The following XPO7 variants were observed in gnomAD, a reference collection of about 807,000 sequenced individuals.
The protein encoded by XPO7 is exportin-7.
Under a neutral mutation model 144.3 loss-of-function variants are expected in XPO7, and 21 were observed. That is an observed-to-expected ratio of 0.15 (90% CI 0.10 to 0.21). The LOEUF (loss-of-function observed/expected upper bound fraction) is 0.21, where lower values mean the gene tolerates loss of function less well. Ranked by LOEUF, XPO7 falls within the 10% of genes least tolerant of loss-of-function variation. The pLI is 1.00. For missense variants in XPO7, 808 were observed against 1,325.8 expected (o/e 0.61, Z 6.06); for synonymous variants, 580 against 499.6 (o/e 1.16, Z -2.15).
chr8:21,948,751 T>G (rs1811272946), intron 1 of XPO7, among the ~76,000 whole-genome samples: 3 of 152,226 alleles, frequency 2.0e-5, no homozygotes, highest in Admixed American at 2.0e-4. Flanking sequence ...GAATTCATCA[T>G]CCTATCAAAA....
At chr8:21,931,475 G>A (rs902889501) in intron 1 of XPO7, among the ~76,000 whole-genome samples, 3 of 152,138 alleles carry the variant, frequency 2.0e-5, no homozygotes, top group African/African-American at 7.2e-5. Context: ...TTAACTTACA[G>A]CAACCGCAAG....
chr8:22,002,466 T>C (rs1193352233), intron 25 of XPO7, among the ~76,000 whole-genome samples, 194 bp downstream of exon 25: 1 of 152,196 alleles, frequency 6.6e-6, no homozygotes, highest in Non-Finnish European at 1.5e-5. Flanking sequence ...ACGCTCAGGT[T>C]CTGGATTATT....
chr8:21,976,200 C>A (rs1168794734), intron 6 of XPO7, among the ~76,000 whole-genome samples, 156 bp from the exon 7 acceptor site: 2 of 152,168 alleles, frequency 1.3e-5, no homozygotes, highest in African/African-American at 4.8e-5. Flanking sequence ...TTCATAGTCA[C>A]AGGTGATAGA....
chr8:21,961,248 C>T (rs1428903666), intron 1 of XPO7, among the ~76,000 whole-genome samples: 8 of 149,356 alleles, frequency 5.4e-5, no homozygotes, highest in African/African-American at 9.9e-5. Context: ...CTCACTCTGT[C>T]ACCCAGGCTG....
At chr8:21,987,016 A>T (rs1585470989) in intron 13 of XPO7, 125 bp from the exon 14 acceptor site, 2 of 1,336,704 alleles carry the variant, frequency 1.5e-6, no homozygotes, top group East Asian at 4.6e-5. Flanking sequence ...TATGTAGATG[A>T]ATTTGGTTGC....
rs542375547 is a variant in XPO7 at position 22,002,812 on chromosome 8, C to G, written c.2944-407C>G. 5.3e-5 allele frequency among the ~76,000 whole-genome samples: 8 copies of G among 152,256 alleles called. No individual in the cohort carries two copies. The South Asian group carries it at 8.3e-4, about 16-fold the overall frequency. The stretch of plus-strand genomic sequence containing the variant: ...TAGCCAGTCTTACCTTTGTCCACAC[C>G]GTTCTCTAAAGAAGCAGTGAAATAA... On this transcript the variant is annotated intron_variant, in intron 25 of 27. Transcript: ENST00000252512.
intron 1 of XPO7, among the ~76,000 whole-genome samples, chr8:21,959,558 A>C (rs1401508648): frequency 6.6e-6 from 1 of 152,128 alleles, no homozygotes; most frequent in Non-Finnish European, 1.5e-5. Flanking sequence ...AGGTCACTGA[A>C]GTTGTTTGTG....
At chr8:21,932,706 A>G (rs987233924) in intron 1 of XPO7, among the ~76,000 whole-genome samples, 3 of 152,102 alleles carry the variant, frequency 2.0e-5, no homozygotes, top group Non-Finnish European at 1.5e-5. Flanking sequence ...TATTATTTCT[A>G]ACGTTTAAAT....
chr8:21,931,040 C>T (rs771960583), intron 1 of XPO7, among the ~76,000 whole-genome samples: 7 of 152,036 alleles, frequency 4.6e-5, no homozygotes, highest in African/African-American at 1.7e-4. Context: ...GACAGGGTTT[C>T]ATCATGTTGG....
chr8:21,920,157 C>T (rs1164245447), intron 1 of XPO7, among the ~76,000 whole-genome samples: 1 of 139,088 alleles, frequency 7.2e-6, no homozygotes, highest in Non-Finnish European at 1.6e-5. Context: ...GACCCCCTTG[C>T]TGACTTTACT....
At chr8:21,948,495 A>C (rs1811264804) in intron 1 of XPO7, among the ~76,000 whole-genome samples, 1 of 152,204 alleles carries the variant, frequency 6.6e-6, no homozygotes, top group African/African-American at 2.4e-5. Flanking sequence ...ACAACAATGA[A>C]ATTGCCTAAG....
chr8:21,962,826 T>C (rs914220233), intron 1 of XPO7, among the ~76,000 whole-genome samples: 3 of 152,252 alleles, frequency 2.0e-5, no homozygotes, highest in African/African-American at 7.2e-5. Context: ...TAAGTTTCTT[T>C]TATTATCTCT....
intron 1 of XPO7, chr8:21,964,280 G>C (rs938913412): frequency 3.3e-5 from 5 of 152,166 alleles, no homozygotes; most frequent in Non-Finnish European, 7.4e-5. Context: ...CTGGCGACTA[G>C]GAAAACATTG....
At chr8:21,955,824 G>A (rs926757462) in intron 1 of XPO7, among the ~76,000 whole-genome samples, 2 of 148,292 alleles carry the variant, frequency 1.3e-5, no homozygotes, top group African/African-American at 5.1e-5. Flanking sequence ...CGCTGCCTGG[G>A]TTTATGTGAT....
In XPO7 at chr8:21,998,776, T is replaced by C; in HGVS notation, c.2367T>C (p.Asp789=). 1 of 1,613,990 alleles carries C rather than the reference T, an allele frequency of 6.2e-7. No individual in the cohort carries two copies. The highest frequency in any genetic ancestry group is 1.6e-4 in the Middle Eastern group (1 of 6,062). ...TCAGGTCCCAGCGACTCCAGTTTGA[T>C]GTCTCTTCCCCCAATGGCATCTTAC... The part of the protein sequence containing the change: ...VHNRSQRLQF[D]VSSPNGILLF... Residue 789 remains aspartate (D), a synonymous_variant, in exon 22 of 28, where the codon GAT becomes GAC. Coordinates refer to ENST00000252512, the MANE Select transcript of XPO7 (RefSeq NM_015024.5).
chr8:21,940,147 A>T (rs1332852538), intron 1 of XPO7, among the ~76,000 whole-genome samples: 1 of 152,210 alleles, frequency 6.6e-6, no homozygotes, highest in African/African-American at 2.4e-5. Flanking sequence ...TGAATCCCTG[A>T]GTTCTTAATG....
chr8:21,997,220 G>T (rs1345193342), intron 21 of XPO7, among the ~76,000 whole-genome samples: 1 of 152,196 alleles, frequency 6.6e-6, no homozygotes, highest in Non-Finnish European at 1.5e-5. Flanking sequence ...ATACTTGAGA[G>T]CACTTACTCT....
intron 1 of XPO7, among the ~76,000 whole-genome samples, chr8:21,926,103 T>C (rs1716471734): frequency 6.6e-6 from 1 of 152,190 alleles, no homozygotes; most frequent in South Asian, 2.1e-4. Flanking sequence ...GATTCTCACT[T>C]AAAAGCCCCT....
Position 21,925,626 on chromosome 8 carries a change from T to C in XPO7, c.18+5838T>C, listed in dbSNP as rs144408569. 5.4e-3 allele frequency among the ~76,000 whole-genome samples: 822 copies of C among 152,298 alleles called. 6 individuals are homozygous for C. Among genetic ancestry groups the C allele is most frequent in the African/African-American group, 0.019 (778 of 41,556 alleles). On this transcript the variant is annotated intron_variant, in intron 1 of 27. Coordinates refer to ENST00000252512, the MANE Select transcript of XPO7 (RefSeq NM_015024.5). ...CAGTATTAACTGAGTGTCTGTTATA[T>C]GCCAGGCACCATGCTAAGCCTTTTA...
Sources: gnomAD v4.1 joint callset for allele counts (sites outside exome capture counted in the v4.1 genomes callset) on GRCh38, gnomAD v4.1.1 for gene constraint, MANE v1.5 for transcripts, NCBI Gene and HGNC (gene_info 2026-07-23, HGNC 2026-07-21) for gene names.